The following KMT2C variants were observed in gnomAD, a reference collection of about 807,000 sequenced individuals.
The protein encoded by KMT2C is histone-lysine N-methyltransferase 2C.
Under a neutral mutation model 507.9 loss-of-function variants are expected in KMT2C, and 88 were observed. The observed-to-expected ratio is 0.17, with a 90% confidence interval of 0.15 to 0.21. The LOEUF is 0.21. Ranked by LOEUF, KMT2C falls within the 10% of genes least tolerant of loss-of-function variation. The pLI is 1.00. For synonymous variants in KMT2C, 2,049 were observed against 2,080.8 expected, an observed-to-expected ratio of 0.98 and a Z score of 0.42; for missense variants, 4,954 against 5,957.8, an observed-to-expected ratio of 0.83 and a Z score of 5.55.
At position 152,177,056 on chromosome 7, in the gene KMT2C, T is replaced by C. The variant is rs1286258081; in HGVS notation, c.8397A>G (p.Gln2799=). The change falls in exon 38 of 59, where the codon CAA becomes CAG. Residue 2799 remains glutamine (Q), a synonymous_variant. Coordinates refer to ENST00000262189, the MANE Select transcript of KMT2C (RefSeq NM_170606.3). ...CVSVEPKKKE[Q]ENKTLVLSDK... ...CAGAGAGAACCAGAGTTTTGTTTTC[T>C]TGTTCCTTTTTTTTTGGTTCAACAG... 3 of 1,612,462 alleles carry C rather than the reference T, an allele frequency of 1.9e-6. No individual in the cohort carries two copies. Among genetic ancestry groups the C allele is most frequent in the South Asian group, 1.1e-5 (1 of 90,400 alleles).
chr7:152,378,204 A>C (rs1191763787), intron 1 of KMT2C, among the ~76,000 whole-genome samples: 1 of 152,206 alleles, frequency 6.6e-6, no homozygotes, highest in Non-Finnish European at 1.5e-5. Context: ...ATTTTGAAAA[A>C]AGTTCTACTT....
intron 7 of KMT2C, among the ~76,000 whole-genome samples, chr7:152,266,240 C>A (rs939920149): frequency 6.6e-6 from 1 of 151,274 alleles, no homozygotes; most frequent in Non-Finnish European, 1.5e-5. Context: ...AGTATATGAA[C>A]CTTTTTTTTT....
intron 56 of KMT2C, 94 bp from the exon 57 acceptor site, chr7:152,139,353 CG>C: frequency 8.9e-7 from 1 of 1,125,492 alleles, no homozygotes; most frequent in Non-Finnish European, 1.3e-6. Context: ...CGAAACTGAA[CG>C]GAACGGCAGC....
chr7:152,139,169 G>A lies in KMT2C; in HGVS notation c.14534+17C>T, dbSNP rs199939483. The A allele has an allele frequency of 3.4e-5, 55 of 1,613,280 alleles. No homozygotes were observed. The highest frequency in any genetic ancestry group is 1.2e-4 in the Admixed American group (7 of 60,026). On this transcript the variant is annotated intron_variant, in intron 57 of 58. Coordinates refer to ENST00000262189, the MANE Select transcript of KMT2C (RefSeq NM_170606.3). ...CACAAGCAAAAGCACTCCCCGTCAG[G>A]TTCCTCGCTGTCTCACCTTGCGGGC...
At chr7:152,267,914 G>A (rs2095884876) in intron 7 of KMT2C, among the ~76,000 whole-genome samples, 1 of 152,114 alleles carries the variant, frequency 6.6e-6, no homozygotes, top group African/African-American at 2.4e-5. Context: ...TGCTATTCAT[G>A]TCTGTGTGCT....
chr7:152,164,293 T>A (rs2092620277), intron 42 of KMT2C, among the ~76,000 whole-genome samples: 1 of 135,020 alleles, frequency 7.4e-6, no homozygotes, highest in South Asian at 2.1e-4. Context: ...TGTACAACAT[T>A]TTTTTTTTTT....
intron 6 of KMT2C, among the ~76,000 whole-genome samples, chr7:152,305,895 T>C (rs1026942639): frequency 1.3e-5 from 2 of 152,166 alleles, no homozygotes; most frequent in African/African-American, 4.8e-5. Flanking sequence ...TGAAGAGCAA[T>C]GGTTGGAGAC....
intron 3 of KMT2C, among the ~76,000 whole-genome samples, chr7:152,325,114 A>G (rs1340898594): frequency 6.6e-6 from 1 of 151,812 alleles, no homozygotes; most frequent in South Asian, 2.1e-4. Context: ...TTTTTCATGA[A>G]AAGTTGTAAA....
chr7:152,272,220 A>G (rs1377015005), intron 7 of KMT2C, among the ~76,000 whole-genome samples: 1 of 152,170 alleles, frequency 6.6e-6, no homozygotes, highest in Non-Finnish European at 1.5e-5. Context: ...ATCTCACCTC[A>G]GTATTTATTA....
At chr7:152,204,211 T>C (rs192204550) in intron 25 of KMT2C, among the ~76,000 whole-genome samples, 1 of 151,726 alleles carries the variant, frequency 6.6e-6, no homozygotes, top group East Asian at 1.9e-4. Flanking sequence ...CGCACGAGAA[T>C]TGCTTGGACT....
At chr7:152,318,412 C>T (rs1452194270) in intron 3 of KMT2C, among the ~76,000 whole-genome samples, 3 of 151,718 alleles carry the variant, frequency 2.0e-5, no homozygotes, top group Non-Finnish European at 4.4e-5. Context: ...ATCACTCTGG[C>T]CAACATGGTG....
rs111488405 is a variant in KMT2C, at chr7:152,326,846, A to G, written c.389+3755T>C. On this transcript the variant is annotated intron_variant, in intron 3 of 58. Transcript: ENST00000262189. ...CAGTGAGCTGAGATCGTGCCACTGC[A>G]CTCCAGCCTGGGCGACAGAGCAAGA... is the stretch of plus-strand genomic sequence containing the variant. 8.0e-3 allele frequency among the ~76,000 whole-genome samples: 1,218 copies of G among 152,316 alleles called. 20 individuals carry two copies. The highest frequency in any genetic ancestry group is 0.028 in the African/African-American group (1,152 of 41,556).
At chr7:152,421,832 G>A (rs2097778901) in intron 1 of KMT2C, among the ~76,000 whole-genome samples, 1 of 152,038 alleles carries the variant, frequency 6.6e-6, no homozygotes, top group African/African-American at 2.4e-5. Flanking sequence ...CTAAGCCTCA[G>A]CGACACGCAA....
chr7:152,184,247 A>G (rs775857446), intron 34 of KMT2C, among the ~76,000 whole-genome samples: 5 of 152,148 alleles, frequency 3.3e-5, no homozygotes, highest in Non-Finnish European at 7.3e-5. Context: ...ATCTATATAT[A>G]TATATGTGAT....
intron 14 of KMT2C, among the ~76,000 whole-genome samples, chr7:152,246,700 AC>A (rs1333958015): frequency 6.6e-6 from 1 of 152,108 alleles, no homozygotes; most frequent in Admixed American, 6.5e-5. Context: ...ACAAAAAAAA[AC>A]TTACTAGAAA....
chr7:152,330,573 T>C, intron 3 of KMT2C, 28 bp downstream of exon 3: 2 of 1,608,370 alleles, frequency 1.2e-6, no homozygotes, highest in South Asian at 1.1e-5. Context: ...GTCACTAATA[T>C]CCAATCCAGC....
chr7:152,268,864 C>T (rs1435782277), intron 7 of KMT2C, among the ~76,000 whole-genome samples: 1 of 152,162 alleles, frequency 6.6e-6, no homozygotes, highest in African/African-American at 2.4e-5. Context: ...CTACTAGCGA[C>T]ATGTGGTTTC....
In KMT2C at chr7:152,171,218, A is replaced by C. The variant is rs781098375; in HGVS notation, c.9453+46T>G. 3.6e-5 allele frequency: 47 copies of C among 1,313,696 alleles called. No individual in the cohort carries two copies. The East Asian group carries it at 1.1e-3, about 32-fold the overall frequency. 81.4% of individuals were successfully genotyped at this position (1,313,696 alleles called of 1,614,324 possible). A position where few individuals can be genotyped will look rare whatever the true frequency, so the allele number is the denominator to read the frequency against. ...CTCTAAAGCATGAGTTTGCTGGGAAACAGAAAAGCGTGCATTCTAGAGGGA... is the reference window on the plus strand; with the variant it reads ...CTCTAAAGCATGAGTTTGCTGGGAACCAGAAAAGCGTGCATTCTAGAGGGA... On this transcript the variant is annotated intron_variant, in intron 40 of 58. Coordinates refer to ENST00000262189, the MANE Select transcript of KMT2C (RefSeq NM_170606.3).
intron 17 of KMT2C, 78 bp downstream of exon 17, chr7:152,230,142 C>T: frequency 9.5e-7 from 1 of 1,052,542 alleles, no homozygotes. Flanking sequence ...TATTGAATGA[C>T]TTCTGTGTAT....
Sources: allele counts gnomAD v4.1 joint callset (sites outside exome capture counted in the v4.1 genomes callset), GRCh38; gene constraint gnomAD v4.1.1; transcripts MANE v1.5; gene names NCBI Gene and HGNC (gene_info 2026-07-23, HGNC 2026-07-21).